RPL15: variants seen among roughly 807,000 people sequenced by gnomAD.
The protein encoded by RPL15 is large ribosomal subunit protein eL15.
For synonymous variants in RPL15, 97 were observed against 95.1 expected (o/e 1.02, Z -0.12); for missense variants, 161 against 271.8 (o/e 0.59, Z 2.87).
chr3:23,918,168 C>G (rs1017106852), intron 2 of RPL15, 137 bp downstream of exon 2: 65 of 1,129,916 alleles, frequency 5.8e-5, no homozygotes, highest in Non-Finnish European at 8.1e-5. Context: ...CAACACTGGT[C>G]AGTTACTGTA....
chr3:23,920,839 TA>T lies in RPL15; in HGVS notation c.*1342del. Reference sequence around the variant, plus strand: ...CTGAAGGAATAAATGTCTATTAAACTAAAACAAATGGACCTTCTGTTATTTT... The same window carrying T: ...CTGAAGGAATAAATGTCTATTAAACTAAACAAATGGACCTTCTGTTATTTT... On this transcript the variant is annotated 3_prime_UTR_variant, in exon 4 of 4. Transcript: ENST00000307839. The T allele has an allele frequency of 4.5e-6, 4 of 897,204 alleles. No homozygotes were observed. Among genetic ancestry groups the T allele is most frequent in the Non-Finnish European group, 5.3e-6 (4 of 749,468 alleles). The allele number at this position is 897,204 out of a possible 1,614,324, so 55.6% of individuals were successfully genotyped here.
chr3:23,917,690 G>T, intron 1 of RPL15, 160 bp from the exon 2 acceptor site: 1 of 665,434 alleles, frequency 1.5e-6, no homozygotes, highest in Non-Finnish European at 2.5e-6. Flanking sequence ...CTCCGTGGGC[G>T]CAGTGGTGGG....
At chr3:23,919,007 GTGT>G (rs1477337891) in intron 3 of RPL15, 186 bp from the exon 4 acceptor site, 9 of 604,926 alleles carry the variant, frequency 1.5e-5, no homozygotes, top group South Asian at 6.1e-5. Context: ...CAGTCTATGT[GTGT>G]TGTTTTAGCA....
chr3:23,923,316 G>A (rs1216712760), downstream of RPL15: 1 of 150,746 alleles, frequency 6.6e-6, no homozygotes, highest in Non-Finnish European at 1.5e-5. Context: ...TGCCTCCCAG[G>A]TTCAAGCGAT....
chr3:23,917,882 A>G lies in RPL15; in HGVS notation c.23A>G (p.Gln8Arg). ...AAGATGGGTGCATACAAGTACATCC[A>G]GGAGCTATGGAGAAAGAAGCAGTCT... MGAYKYI[Q>R]ELWRKKQSDV... The change falls in exon 2 of 4, where the codon CAG (glutamine) becomes CGG (arginine). Residue 8 changes from glutamine to arginine, a missense_variant. Physicochemically the swap from Gln to Arg is conservative, Grantham distance 43. Coordinates refer to ENST00000307839, the MANE Select transcript of RPL15 (RefSeq NM_002948.5). The G allele has an allele frequency of 1.2e-6, 2 of 1,610,894 alleles. No individual in the cohort carries two copies. Among genetic ancestry groups the G allele is most frequent in the South Asian group, 2.2e-5 (2 of 90,648 alleles).
chr3:23,919,129 A>G, intron 3 of RPL15, 67 bp from the exon 4 acceptor site: 1 of 1,104,836 alleles, frequency 9.1e-7, no homozygotes, highest in Non-Finnish European at 1.4e-6. Context: ...TGAGAATTAA[A>G]ATTCTTTCTG....
chr3:23,920,605 A>G lies in RPL15; in HGVS notation c.*1104A>G, dbSNP rs1443377445. On this transcript the variant is annotated 3_prime_UTR_variant, in exon 4 of 4. Coordinates refer to ENST00000307839, the MANE Select transcript of RPL15 (RefSeq NM_002948.5). ...AGAAAATGTAGACAAGGAATTGCCC[A>G]ATTTTAAATTCTGACTTTGCTGACT... 2.0e-6 allele frequency: 2 copies of G among 985,088 alleles called. No individual in the cohort carries two copies. The highest frequency in any genetic ancestry group is 6.1e-5 in the Admixed American group (1 of 16,266). The allele number at this position is 985,088 out of a possible 1,614,324, so 61.0% of individuals were successfully genotyped here. A position where few individuals can be genotyped will look rare whatever the true frequency, so the allele number is the denominator to read the frequency against.
downstream of RPL15, among the ~76,000 whole-genome samples, chr3:23,921,386 A>C (rs1705071516): frequency 6.6e-6 from 1 of 152,138 alleles, no homozygotes; most frequent in African/African-American, 2.4e-5. Flanking sequence ...TCCACACCCC[A>C]GGCTCCTTGC....
At chr3:23,922,311 A>G (rs903960945), downstream of RPL15, 1 of 152,158 alleles carries the variant, frequency 6.6e-6, no homozygotes, top group African/African-American at 2.4e-5. The surrounding 1 kb of genome is among the most constrained non-coding windows in gnomAD (Gnocchi z 4.2). Context: ...TTTTTTGCCA[A>G]TGAGGAAACA....
chr3:23,918,901 A>T (rs1430985647), intron 3 of RPL15: 2 of 519,222 alleles, frequency 3.9e-6, no homozygotes, highest in East Asian at 6.4e-5. Context: ...TTGTATGGAA[A>T]AAGATAAGGT....
rs766173748 is a variant in RPL15 at position 23,918,075 on chromosome 3, A to T, written c.172+44A>T. 5 of 1,579,268 alleles carry T rather than the reference A, an allele frequency of 3.2e-6. No homozygotes were observed. The East Asian group carries it at 1.1e-4, about 35-fold the overall frequency. ...GGATGCTTGGATAAAATTATATTCG[A>T]GAAAAGTTGGAAACCAGCTGTTAGG... On this transcript the variant is annotated intron_variant, in intron 2 of 3. Coordinates refer to ENST00000307839, the MANE Select transcript of RPL15 (RefSeq NM_002948.5).
rs748865914 is a variant in RPL15 at position 23,919,417 on chromosome 3, C to T, written c.531C>T (p.Gly177=). The T allele has an allele frequency of 5.0e-6, 8 of 1,604,256 alleles. No homozygotes were observed. The East Asian group carries it at 1.3e-4, about 27-fold the overall frequency. The change falls in exon 4 of 4, where the codon GGC becomes GGT. Residue 177 remains glycine (G), a synonymous_variant. Coordinates refer to ENST00000307839, the MANE Select transcript of RPL15 (RefSeq NM_002948.5). The part of the protein sequence containing the change: ...AGRKSRGLGK[G]HKFHHTIGGS... ...GAAAGAGCCGTGGCCTTGGAAAGGG[C>T]CACAAGTTCCACCACACTATTGGTG...
chr3:23,919,872 T>C lies in RPL15; in HGVS notation c.*371T>C. 1.0e-6 allele frequency: 1 copy of C among 1,001,504 alleles called. No homozygotes were observed. Among genetic ancestry groups the C allele is most frequent in the Non-Finnish European group, 1.2e-6 (1 of 840,728 alleles). The allele number at this position is 1,001,504 out of a possible 1,614,324, so 62.0% of individuals were successfully genotyped here. On this transcript the variant is annotated 3_prime_UTR_variant, in exon 4 of 4. Coordinates refer to ENST00000307839, the MANE Select transcript of RPL15 (RefSeq NM_002948.5). ...CGGAGTGATGGCAATGCTCTGCTGG[T>C]TTATTTTCAAGTGGCTGCGTTTTTT...
downstream of RPL15, chr3:23,921,534 T>A (rs550975027): frequency 1.5e-6 from 1 of 682,538 alleles, no homozygotes; most frequent in African/African-American, 1.8e-5. Context: ...TATTTCTATA[T>A]TGGCATGTAA....
chr3:23,920,868 G>C lies in RPL15; in HGVS notation c.*1367G>C. 1 of 801,008 alleles carries C rather than the reference G, an allele frequency of 1.2e-6. No homozygotes were observed. The allele number at this position is 801,008 out of a possible 1,614,324, so 49.6% of individuals were successfully genotyped here. On this transcript the variant is annotated 3_prime_UTR_variant, in exon 4 of 4. Coordinates refer to ENST00000307839, the MANE Select transcript of RPL15 (RefSeq NM_002948.5). ...ACAAATGGACCTTCTGTTATTTTTT[G>C]TCATCTTACAGTGCTAATGTACTTT...
At chr3:23,922,576 C>T (rs1272635478), downstream of RPL15, 2 of 151,870 alleles carry the variant, frequency 1.3e-5, no homozygotes, top group African/African-American at 2.4e-5. The surrounding 1 kb of genome is among the most constrained non-coding windows in gnomAD (Gnocchi z 4.2). Flanking sequence ...TTAGTAGAGA[C>T]GGTTTCACCA....
upstream of RPL15, chr3:23,916,709 G>A (rs776301902): frequency 6.7e-6 from 1 of 148,806 alleles, no homozygotes; most frequent in African/African-American, 2.5e-5. Context: ...GGTGGCCAGA[G>A]AGGGACAGCG....
rs2125255778 is a variant in RPL15, at chr3:23,919,216, T to C, written c.330T>C (p.Cys110=). 3 of 1,613,918 alleles carry C rather than the reference T, an allele frequency of 1.9e-6. No individual in the cohort carries two copies. In the East Asian group the frequency reaches 6.7e-5, roughly 36 times the overall value. The change falls in exon 4 of 4, where the codon TGT becomes TGC. Residue 110 remains cysteine, a synonymous_variant. Transcript: ENST00000307839. The part of the protein sequence containing the change: ...SVAEERAGRH[C]GALRVLNSYW... ...TCTAGGAGCGAGCTGGACGCCACTGTGGGGCTCTGAGAGTCCTGAATTCTT... is the reference window on the plus strand; with the variant it reads ...TCTAGGAGCGAGCTGGACGCCACTGCGGGGCTCTGAGAGTCCTGAATTCTT...
At chr3:23,918,305 T>G in intron 2 of RPL15, 135 bp from the exon 3 acceptor site, 1 of 1,057,452 alleles carries the variant, frequency 9.5e-7, no homozygotes, top group Non-Finnish European at 1.3e-6. Context: ...GACTGGGATG[T>G]GTTTTATTTT....
Sources: allele counts gnomAD v4.1 joint callset (sites outside exome capture counted in the v4.1 genomes callset), GRCh38; gene constraint gnomAD v4.1.1; non-coding constraint Gnocchi (gnomAD v3.1); transcripts MANE v1.5; gene names NCBI Gene and HGNC (gene_info 2026-07-23, HGNC 2026-07-21).